The following CENPW variants were observed in gnomAD, a reference collection of about 807,000 sequenced individuals.
CENPW encodes cancer-up-regulated gene 2 protein.
Under a neutral mutation model 11.1 loss-of-function variants are expected in CENPW, and 3 were observed. The observed-to-expected ratio is 0.27, with a 90% CI of 0.12 to 0.70. The LOEUF (loss-of-function observed/expected upper bound fraction) is 0.70. CENPW is among the 30% of genes least tolerant of loss of function. CENPW has a pLI of 0.77. For missense variants in CENPW, 100 were observed against 105.6 expected, an observed-to-expected ratio of 0.95 and a Z score of 0.23; for synonymous variants, 38 against 42.0, an observed-to-expected ratio of 0.91 and a Z score of 0.37.
chr6:126,399,124 T>G, the CENPW span, among the ~76,000 whole-genome samples: 1 of 152,158 alleles, frequency 6.6e-6, no homozygotes, highest in East Asian at 1.9e-4. Context: ...AAGATATGAG[T>G]GCATATGTCT....
At chr6:126,377,646 T>C in the CENPW span, among the ~76,000 whole-genome samples, 1 of 152,188 alleles carries the variant, frequency 6.6e-6, no homozygotes, top group Non-Finnish European at 1.5e-5. Context: ...ACTCAGACTT[T>C]TAAGAAATAT....
the CENPW span, among the ~76,000 whole-genome samples, chr6:126,357,640 G>A: frequency 6.7e-6 from 1 of 149,624 alleles, no homozygotes; most frequent in South Asian, 2.1e-4. Flanking sequence ...ATGGAGTCTT[G>A]CTCTGTCGCC....
the CENPW span, among the ~76,000 whole-genome samples, chr6:126,449,794 A>T: frequency 2.6e-5 from 4 of 151,114 alleles, no homozygotes; most frequent in African/African-American, 7.3e-5. Context: ...CAACATAGGG[A>T]ATAGTACAGA....
At chr6:126,415,225 A>G in the CENPW span, among the ~76,000 whole-genome samples, 1 of 151,910 alleles carries the variant, frequency 6.6e-6, no homozygotes, top group African/African-American at 2.4e-5. Context: ...TTTTTACATT[A>G]TTATCTCCTT....
At chr6:126,476,754 G>A in the CENPW span, among the ~76,000 whole-genome samples, 22 of 151,814 alleles carry the variant, frequency 1.4e-4, no homozygotes, top group Non-Finnish European at 2.5e-4. Context: ...TTAGATAATC[G>A]TTTCCCATTT....
chr6:126,410,361 G>C, the CENPW span, among the ~76,000 whole-genome samples: 1 of 152,076 alleles, frequency 6.6e-6, no homozygotes, highest in Non-Finnish European at 1.5e-5. Flanking sequence ...GAAATCTGCT[G>C]TCAGTCAAGT....
At chr6:126,455,904 T>C in the CENPW span, among the ~76,000 whole-genome samples, 2 of 151,186 alleles carry the variant, frequency 1.3e-5, no homozygotes, top group Admixed American at 1.3e-4. Flanking sequence ...ATACAAAAAT[T>C]AGTAGCATTT....
chr6:126,348,460 T>TTA lies in CENPW; in HGVS notation c.241-5_241-4dup. On this transcript the variant is annotated splice_polypyrimidine_tract_variant and splice_region_variant and intron_variant, in intron 2 of 2. Transcript: ENST00000368328. ...AATATGAATCTTATTTTTTTCCCTCTTACAGGTAATTCTAAAGAAGAGCAG... is the reference window on the plus strand; with the variant it reads ...AATATGAATCTTATTTTTTTCCCTCTTATACAGGTAATTCTAAAGAAGAGCAG... The TTA allele has an allele frequency of 7.4e-7, 1 of 1,345,862 alleles. No individual in the cohort carries two copies. The highest frequency in any genetic ancestry group is 1.1e-6 in the Non-Finnish European group (1 of 940,334). The allele number at this position is 1,345,862 out of a possible 1,614,324, so 83.4% of individuals were successfully genotyped here. A position where few individuals can be genotyped will look rare whatever the true frequency, so the allele number is the denominator to read the frequency against.
chr6:126,444,718 GT>G, the CENPW span, among the ~76,000 whole-genome samples: 1 of 151,104 alleles, frequency 6.6e-6, no homozygotes, highest in Non-Finnish European at 1.5e-5. Context: ...TTTATGGGAT[GT>G]TTCCTGGCAT....
the CENPW span, among the ~76,000 whole-genome samples, chr6:126,412,219 CT>C: frequency 2.6e-5 from 4 of 151,294 alleles, no homozygotes; most frequent in African/African-American, 9.7e-5. Context: ...AACTCCAAGG[CT>C]CAAGTGATTC....
the CENPW span, among the ~76,000 whole-genome samples, chr6:126,359,440 A>G: frequency 4.6e-5 from 7 of 152,060 alleles, no homozygotes; most frequent in Non-Finnish European, 8.8e-5. Flanking sequence ...GTTAGGTCAA[A>G]TCAGTCAAGT....
At chr6:126,465,883 G>A in the CENPW span, among the ~76,000 whole-genome samples, 8 of 152,180 alleles carry the variant, frequency 5.3e-5, no homozygotes, top group African/African-American at 1.9e-4. Context: ...TCTAGATCAT[G>A]TGGGGATATA....
chr6:126,440,008 G>T, the CENPW span, among the ~76,000 whole-genome samples: 6 of 151,576 alleles, frequency 4.0e-5, no homozygotes, highest in Non-Finnish European at 5.9e-5. Context: ...ATTATGAAAT[G>T]TCTAAGTTAG....
the CENPW span, among the ~76,000 whole-genome samples, chr6:126,368,738 G>A: frequency 2.7e-3 from 403 of 151,690 alleles, 1 homozygote; most frequent in Middle Eastern, 0.014. Flanking sequence ...TCCGCCTCCC[G>A]GGTTCACGCC....
the CENPW span, among the ~76,000 whole-genome samples, chr6:126,469,232 A>G: frequency 6.6e-6 from 1 of 152,136 alleles, no homozygotes; most frequent in African/African-American, 2.4e-5. Flanking sequence ...CGTTTCACCC[A>G]TGCCGTTCTT....
the CENPW span, among the ~76,000 whole-genome samples, chr6:126,457,271 T>C: frequency 8.6e-5 from 13 of 151,524 alleles, no homozygotes; most frequent in Non-Finnish European, 1.8e-4. Flanking sequence ...TGTATGTTCA[T>C]TGCAGCACTA....
At chr6:126,377,731 A>G in the CENPW span, among the ~76,000 whole-genome samples, 2 of 152,236 alleles carry the variant, frequency 1.3e-5, no homozygotes, top group Non-Finnish European at 1.5e-5. Context: ...TGAGAACATT[A>G]TCCAAATATC....
the CENPW span, among the ~76,000 whole-genome samples, chr6:126,384,527 A>C: frequency 6.6e-5 from 10 of 152,294 alleles, no homozygotes; most frequent in African/African-American, 2.4e-4. Flanking sequence ...GCAATGGGAA[A>C]AGCATTCCCT....
the CENPW span, among the ~76,000 whole-genome samples, chr6:126,396,720 G>A: frequency 6.6e-6 from 1 of 152,038 alleles, no homozygotes; most frequent in Non-Finnish European, 1.5e-5. Context: ...TAGTTCCTGG[G>A]TGTTACTGCT....
Sources: gnomAD v4.1 joint callset for allele counts (sites outside exome capture counted in the v4.1 genomes callset) on GRCh38, gnomAD v4.1.1 for gene constraint, MANE v1.5 for transcripts, NCBI Gene and HGNC (gene_info 2026-07-23, HGNC 2026-07-21) for gene names.